GRB10: variants seen among roughly 807,000 people sequenced by gnomAD.
The protein encoded by GRB10 is growth factor receptor-bound protein 10.
In GRB10, 20 loss-of-function variants were observed where a neutral mutation model predicts 80.9. The observed-to-expected ratio is 0.25, with a 90% CI of 0.17 to 0.36. GRB10 has a LOEUF of 0.36. Among genes scored for constraint, GRB10 ranks in the 10% least tolerant of loss-of-function variants. The pLI, the probability that GRB10 is intolerant of heterozygous loss-of-function variation, is 1.00. For synonymous variants in GRB10, 291 were observed against 291.5 expected (o/e 1.00, Z 0.02); for missense variants, 548 against 747.7 (o/e 0.73, Z 3.12).
At position 50,666,865 on chromosome 7, in the gene GRB10, C is replaced by A. The variant is rs183730448; in HGVS notation, c.504+2857G>T. ...ACCATCCTGGCTAACACGGTGAAAC[C>A]CCGTCTCTACTAAAAATACAAAAAA... is the stretch of plus-strand genomic sequence containing the variant. On this transcript the variant is annotated intron_variant, in intron 7 of 18. Coordinates refer to ENST00000401949, the MANE Select transcript of GRB10 (RefSeq NM_001350814.2). Among the ~76,000 whole-genome samples the A allele has an allele frequency of 3.3e-3, 503 of 152,072 alleles. 11 individuals are homozygous for A. In the South Asian group the frequency reaches 0.035, roughly 11 times the overall value.
chr7:50,616,475 TCTC>T, intron 10 of GRB10, 128 bp from the exon 11 acceptor site: 2 of 868,620 alleles, frequency 2.3e-6, no homozygotes, highest in Non-Finnish European at 3.6e-6. Context: ...ATGAGAGTGT[TCTC>T]CTTTCCAAAG....
chr7:50,612,944 A>C, intron 12 of GRB10, 105 bp from the exon 13 acceptor site: 1 of 748,402 alleles, frequency 1.3e-6, no homozygotes, highest in Non-Finnish European at 2.4e-6. Flanking sequence ...AACCAGCTGG[A>C]GATCCCCCTA....
chr7:50,741,170 C>T (rs944132778), intron 3 of GRB10, among the ~76,000 whole-genome samples: 5 of 151,860 alleles, frequency 3.3e-5, no homozygotes, highest in African/African-American at 1.2e-4. Context: ...AAGGAGAAAA[C>T]GAGGAAAACT....
intron 7 of GRB10, among the ~76,000 whole-genome samples, chr7:50,652,740 T>A (rs2058146613): frequency 1.3e-5 from 2 of 152,232 alleles, no homozygotes; most frequent in South Asian, 4.1e-4. Flanking sequence ...CCACGCAGAC[T>A]TCGCTGAGAC....
At chr7:50,626,680 G>GA in intron 8 of GRB10, 142 bp downstream of exon 8, 1 of 888,532 alleles carries the variant, frequency 1.1e-6, no homozygotes. Flanking sequence ...GGAGAAACAG[G>GA]AGAGTCGAGG....
chr7:50,704,454 C>T (rs1027349017), intron 4 of GRB10, among the ~76,000 whole-genome samples: 4 of 152,154 alleles, frequency 2.6e-5, no homozygotes, highest in African/African-American at 9.7e-5. Flanking sequence ...AGAAACACAC[C>T]TGCATGGGAC....
At position 50,669,706 on chromosome 7, in the gene GRB10, C is replaced by T; in HGVS notation, c.504+16G>A. On this transcript the variant is annotated intron_variant, in intron 7 of 18. Transcript: ENST00000401949. ...GCATATCCCTCAGCCTGGGCTCCAG[C>T]CAGGGGCACACTCACCTGCTTTGCG... 1.2e-6 allele frequency: 2 copies of T among 1,611,316 alleles called. No homozygotes were observed. Among genetic ancestry groups the T allele is most frequent in the Non-Finnish European group, 1.7e-6 (2 of 1,179,276 alleles).
chr7:50,643,965 A>G (rs2056738227), intron 7 of GRB10, among the ~76,000 whole-genome samples: 1 of 152,172 alleles, frequency 6.6e-6, no homozygotes, highest in South Asian at 2.1e-4. Context: ...GCGTGAAAAT[A>G]ATGACCTGCG....
intron 5 of GRB10, among the ~76,000 whole-genome samples, chr7:50,695,538 G>A (rs2063330927): frequency 6.6e-6 from 1 of 152,164 alleles, no homozygotes. Flanking sequence ...CATGATTGAT[G>A]TCCACTGGGC....
chr7:50,660,510 T>C (rs2059148477), intron 7 of GRB10, among the ~76,000 whole-genome samples: 1 of 151,986 alleles, frequency 6.6e-6, no homozygotes, highest in Non-Finnish European at 1.5e-5. Flanking sequence ...GAGCAGGAAA[T>C]GGAAGTTTCC....
intron 4 of GRB10, among the ~76,000 whole-genome samples, chr7:50,721,791 C>A (rs1202239647): frequency 1.3e-5 from 2 of 152,102 alleles, no homozygotes; most frequent in African/African-American, 2.4e-5. Flanking sequence ...CAGACGACAG[C>A]ATAAGGAGGG....
At chr7:50,594,416 T>C (rs1235275108) in intron 18 of GRB10, among the ~76,000 whole-genome samples, 1 of 152,202 alleles carries the variant, frequency 6.6e-6, no homozygotes, top group Non-Finnish European at 1.5e-5. Context: ...CTTGAGATCA[T>C]AACAAAGTCC....
intron 5 of GRB10, among the ~76,000 whole-genome samples, chr7:50,699,021 C>T (rs745809216): frequency 2.0e-5 from 3 of 152,134 alleles, no homozygotes; most frequent in Non-Finnish European, 4.4e-5. Context: ...TCCTAGATAG[C>T]TTATAATTTT....
intron 3 of GRB10, among the ~76,000 whole-genome samples, chr7:50,753,246 G>C (rs574961407): frequency 2.0e-5 from 3 of 152,290 alleles, no homozygotes; most frequent in African/African-American, 7.2e-5. Context: ...CTATTATTTT[G>C]ATTTGTAGCA....
At chr7:50,769,895 T>C (rs2076803218) in intron 2 of GRB10, among the ~76,000 whole-genome samples, 6 of 152,184 alleles carry the variant, frequency 3.9e-5, no homozygotes, top group Admixed American at 3.3e-4. Context: ...CGAATGACGT[T>C]GGTATCACAG....
In GRB10 at chr7:50,598,009, G is replaced by A. The variant is rs943482103; in HGVS notation, c.1545-2479C>T. On this transcript the variant is annotated intron_variant, in intron 17 of 18. Coordinates refer to ENST00000401949, the MANE Select transcript of GRB10 (RefSeq NM_001350814.2). ...CTCCCAAGTAGCTGGGACTACAGGT[G>A]CCCGCCACCACACCCAGCTAATTCT... Among the ~76,000 whole-genome samples the A allele has an allele frequency of 4.6e-5, 7 of 150,598 alleles. No homozygotes were observed. The South Asian group carries it at 1.5e-3, about 31-fold the overall frequency.
At chr7:50,735,882 C>A (rs1191738254) in intron 3 of GRB10, among the ~76,000 whole-genome samples, 1 of 151,710 alleles carries the variant, frequency 6.6e-6, no homozygotes, top group Non-Finnish European at 1.5e-5. Flanking sequence ...AAAAACAAAA[C>A]AGAACAAAAC....
At position 50,605,351 on chromosome 7, in the gene GRB10, C is replaced by T; in HGVS notation, c.1328G>A (p.Arg443His). The change falls in exon 15 of 19, where the codon CGC becomes CAC. Residue 443 changes from arginine to histidine, a missense_variant. Transcript: ENST00000401949. ...VAMDFSGQTG[R>H]VIENPAEAQS... ...GGCCTCTGCCGGATTCTCTATCACG[C>T]GTCCTGTTTGCCCAGAAAAATCCAT... 1 of 1,614,244 alleles carries T rather than the reference C, an allele frequency of 6.2e-7. No homozygotes were observed. Among genetic ancestry groups the T allele is most frequent in the Non-Finnish European group, 8.5e-7 (1 of 1,180,044 alleles).
chr7:50,609,931 T>G (rs572963849), intron 13 of GRB10, among the ~76,000 whole-genome samples: 2 of 152,324 alleles, frequency 1.3e-5, no homozygotes, highest in South Asian at 4.1e-4. Flanking sequence ...TAAGATTTAT[T>G]CATTTTTTTC....
Sources: gnomAD v4.1 joint callset for allele counts (sites outside exome capture counted in the v4.1 genomes callset) on GRCh38, gnomAD v4.1.1 for gene constraint, MANE v1.5 for transcripts, NCBI Gene and HGNC (gene_info 2026-07-23, HGNC 2026-07-21) for gene names.